The following COLEC11 variants were observed in gnomAD, a reference collection of about 807,000 sequenced individuals.
The protein encoded by COLEC11 is collectin subfamily member 11.
Under a neutral mutation model 27.3 loss-of-function variants are expected in COLEC11, and 20 were observed. The observed-to-expected ratio is 0.73, with a 90% CI of 0.51 to 1.06. The LOEUF is 1.06. COLEC11 is among the 50% of genes least tolerant of loss of function. The pLI, the probability that COLEC11 is intolerant of heterozygous loss-of-function variation, is 0.00. For synonymous variants in COLEC11, 163 were observed against 154.7 expected, an observed-to-expected ratio of 1.05 and a Z score of -0.40; for missense variants, 310 against 383.0, an observed-to-expected ratio of 0.81 and a Z score of 1.59.
intron 1 of COLEC11, among the ~76,000 whole-genome samples, chr2:3,600,501 G>A (rs906215042): frequency 6.6e-6 from 1 of 152,208 alleles, no homozygotes; most frequent in African/African-American, 2.4e-5. Context: ...GCTGCAGTGA[G>A]CCAAGATGCA....
At chr2:3,605,259 C>G (rs2147857432) in intron 2 of COLEC11, among the ~76,000 whole-genome samples, 1 of 150,522 alleles carries the variant, frequency 6.6e-6, no homozygotes, top group South Asian at 2.1e-4. Context: ...CCGGCCGCAG[C>G]AGAGTCCAGG....
intron 2 of COLEC11, among the ~76,000 whole-genome samples, chr2:3,609,101 A>G (rs1421951555): frequency 2.0e-5 from 3 of 152,238 alleles, no homozygotes; most frequent in Non-Finnish European, 2.9e-5. Context: ...GGCCCTGTAC[A>G]ACTACAGACA....
chr2:3,631,751 C>G (rs536566307), intron 3 of COLEC11, among the ~76,000 whole-genome samples: 69 of 152,142 alleles, frequency 4.5e-4, no homozygotes, highest in African/African-American at 1.6e-3. Flanking sequence ...TCGGAGGGGG[C>G]TCTGCTCGGA....
intron 1 of COLEC11, among the ~76,000 whole-genome samples, 172 bp downstream of exon 1, chr2:3,595,340 C>T (rs1661776156): frequency 6.6e-6 from 1 of 152,218 alleles, no homozygotes; most frequent in Non-Finnish European, 1.5e-5. Flanking sequence ...AATCTGGCAC[C>T]AGAGTTCCAA....
At chr2:3,609,352 A>ATTTTTTTTTTT (rs567474674) in intron 2 of COLEC11, among the ~76,000 whole-genome samples, 13 of 87,486 alleles carry the variant, frequency 1.5e-4, no homozygotes, top group Non-Finnish European at 2.4e-4. Flanking sequence ...TTTTTCTTTG[A>ATTTTTTTTTTT]TTTTTTTTTT....
At chr2:3,641,944 C>G (rs1379739142) in intron 5 of COLEC11, among the ~76,000 whole-genome samples, 1 of 152,218 alleles carries the variant, frequency 6.6e-6, no homozygotes, top group Non-Finnish European at 1.5e-5. Flanking sequence ...ATCCTGGGGA[C>G]AGGCAGAGGC....
chr2:3,617,563 T>C lies in COLEC11; in HGVS notation c.202+4181T>C. The C allele has an allele frequency of 3.7e-6, 6 of 1,602,966 alleles. No homozygotes were observed. The South Asian group carries it at 6.6e-5, about 18-fold the overall frequency. On this transcript the variant is annotated intron_variant, in intron 3 of 6. Coordinates refer to ENST00000349077, the MANE Select transcript of COLEC11 (RefSeq NM_024027.5). ...GCACGCCTCACTACGATTTGCCTGC[T>C]TGCTTCTCCTGTTCAGTCGTTTCTT...
intron 3 of COLEC11, among the ~76,000 whole-genome samples, chr2:3,623,700 T>C (rs534949437): frequency 1.3e-5 from 2 of 152,324 alleles, no homozygotes; most frequent in Non-Finnish European, 2.9e-5. Flanking sequence ...TCATTTTTAA[T>C]GTATTGTTTT....
intron 2 of COLEC11, among the ~76,000 whole-genome samples, chr2:3,612,077 A>G (rs1663238875): frequency 6.6e-6 from 1 of 152,100 alleles, no homozygotes; most frequent in South Asian, 2.1e-4. Context: ...CTGGCTGCCC[A>G]CAAAGGTGCA....
At chr2:3,595,987 T>C (rs1348290399) in intron 1 of COLEC11, among the ~76,000 whole-genome samples, 1 of 152,248 alleles carries the variant, frequency 6.6e-6, no homozygotes, top group Non-Finnish European at 1.5e-5. Flanking sequence ...GAAAAATCCA[T>C]GTACCGTAGA....
chr2:3,628,682 A>G (rs7595374), intron 3 of COLEC11, among the ~76,000 whole-genome samples: 41,736 of 152,190 alleles, frequency 0.27, 7,269 homozygotes, highest in African/African-American at 0.49. Flanking sequence ...AAGCCAGGCC[A>G]TGGCCCAGAG....
intron 3 of COLEC11, chr2:3,617,751 C>T (rs1429521474): frequency 7.9e-7 from 1 of 1,264,388 alleles, no homozygotes. Flanking sequence ...GTGGCCACCA[C>T]TGAGTTGTCG....
chr2:3,613,583 T>TG (rs1160398750), intron 3 of COLEC11, among the ~76,000 whole-genome samples: 2 of 152,250 alleles, frequency 1.3e-5, no homozygotes, highest in East Asian at 3.9e-4. Flanking sequence ...TGTGCTGACC[T>TG]GTGGGGCTCT....
intron 3 of COLEC11, among the ~76,000 whole-genome samples, chr2:3,637,216 C>T (rs779032987): frequency 2.8e-4 from 42 of 152,130 alleles, no homozygotes; most frequent in Non-Finnish European, 5.0e-4. Context: ...GACGAGCTCT[C>T]GTCTCACACA....
chr2:3,642,092 G>C (rs368065782), intron 5 of COLEC11, among the ~76,000 whole-genome samples: 1 of 152,230 alleles, frequency 6.6e-6, no homozygotes, highest in African/African-American at 2.4e-5. Context: ...CTGGGAGGGC[G>C]GAGTGTAGCT....
chr2:3,618,985 A>G (rs1663983908), intron 3 of COLEC11, among the ~76,000 whole-genome samples: 1 of 152,130 alleles, frequency 6.6e-6, no homozygotes, highest in African/African-American at 2.4e-5. Context: ...GTGTATAGAA[A>G]TGCTGCTGAT....
At chr2:3,597,607 A>G (rs535938083) in intron 1 of COLEC11, among the ~76,000 whole-genome samples, 1 of 152,246 alleles carries the variant, frequency 6.6e-6, no homozygotes, top group African/African-American at 2.4e-5. Context: ...ACACCTGGTT[A>G]TACCTGAACA....
chr2:3,630,757 A>G (rs1233906053), intron 3 of COLEC11, among the ~76,000 whole-genome samples: 1 of 152,208 alleles, frequency 6.6e-6, no homozygotes, highest in Non-Finnish European at 1.5e-5. Flanking sequence ...TAGTAGGTAC[A>G]TGTTATTCTT....
intron 3 of COLEC11, chr2:3,617,611 T>C (rs991438016): frequency 8.1e-6 from 13 of 1,612,012 alleles, no homozygotes; most frequent in Admixed American, 1.7e-5. Context: ...GATTTTTCTC[T>C]TGAGTCTCTG....
Sources: gnomAD v4.1 joint callset for allele counts (sites outside exome capture counted in the v4.1 genomes callset) on GRCh38, gnomAD v4.1.1 for gene constraint, MANE v1.5 for transcripts, NCBI Gene and HGNC (gene_info 2026-07-23, HGNC 2026-07-21) for gene names.